UGT1A6: variants seen among roughly 807,000 people sequenced by gnomAD.
UGT1A6 encodes UDP glucuronosyltransferase family 1 member A6, also known as UDP-glucuronosyltransferase 1A6.
A neutral mutation model predicts 44.4 loss-of-function variants in UGT1A6; 32 were observed. That is an observed-to-expected ratio of 0.72 (90% CI 0.54 to 0.97). The LOEUF (loss-of-function observed/expected upper bound fraction) is 0.97. Ranked by LOEUF, UGT1A6 falls within the 50% of genes least tolerant of loss-of-function variation. The pLI, the probability that UGT1A6 is intolerant of heterozygous loss-of-function variation, is 0.00. For missense variants in UGT1A6, 685 were observed against 661.9 expected, an observed-to-expected ratio of 1.03 and a Z score of -0.38; for synonymous variants, 238 against 248.5, an observed-to-expected ratio of 0.96 and a Z score of 0.40.
At chr2:233,748,166 C>T in intron 1 of UGT1A6, 1 of 1,593,318 alleles carries the variant, frequency 6.3e-7, no homozygotes, top group South Asian at 1.1e-5. Context: ...TCCATATCTA[C>T]TTATCTTTCT....
rs2126030462 is a variant in UGT1A6 at position 233,767,128 on chromosome 2, T to C, written c.956T>C (p.Met319Thr). The change falls in exon 2 of 5, where the codon ATG (methionine) becomes ACG (threonine). Residue 319 changes from methionine to threonine, a missense_variant. Transcript: ENST00000305139. Reference protein sequence around the residue: ...MVSEIPEKKAMAIADALGKIP... With the variant: ...MVSEIPEKKATAIADALGKIP... ...TCAGAAATTCCAGAGAAGAAAGCTA[T>C]GGCAATTGCTGATGCTTTGGGCAAA... 1 of 1,614,150 alleles carries C rather than the reference T, an allele frequency of 6.2e-7. No individual in the cohort carries two copies. The highest frequency in any genetic ancestry group is 1.3e-5 in the African/African-American group (1 of 75,052).
chr2:233,765,700 A>T (rs963177783), intron 1 of UGT1A6, among the ~76,000 whole-genome samples: 1 of 146,346 alleles, frequency 6.8e-6, no homozygotes, highest in African/African-American at 2.7e-5. Flanking sequence ...AGTAAATAAT[A>T]ATAATAATAA....
intron 1 of UGT1A6, among the ~76,000 whole-genome samples, chr2:233,702,756 T>TA (rs2075705310): frequency 6.6e-6 from 1 of 152,230 alleles, no homozygotes; most frequent in South Asian, 2.1e-4. Flanking sequence ...ATTCTAGTGA[T>TA]ATGTGTTAAT....
At chr2:233,698,156 C>T (rs1023372379) in intron 1 of UGT1A6, among the ~76,000 whole-genome samples, 1 of 152,042 alleles carries the variant, frequency 6.6e-6, no homozygotes, top group African/African-American at 2.4e-5. Context: ...CCCAGCATGT[C>T]GTCCTAGAGA....
chr2:233,729,342 G>T (rs368262266), intron 1 of UGT1A6: 19 of 1,614,080 alleles, frequency 1.2e-5, no homozygotes, highest in Admixed American at 6.7e-5. Context: ...TCAAAGAAGA[G>T]AACTTTTTCA....
chr2:233,724,360 G>A (rs1455285943), intron 1 of UGT1A6, among the ~76,000 whole-genome samples: 4 of 146,466 alleles, frequency 2.7e-5, no homozygotes, highest in South Asian at 2.3e-4. Flanking sequence ...CCTCCCTCCC[G>A]GACGGGGTGG....
At chr2:233,768,504 G>GA in intron 4 of UGT1A6, 65 bp downstream of exon 4, 1 of 1,558,444 alleles carries the variant, frequency 6.4e-7, no homozygotes. Flanking sequence ...TTTCAAATAT[G>GA]AAAACATTTA....
chr2:233,700,502 C>T (rs956057394), intron 1 of UGT1A6, among the ~76,000 whole-genome samples: 2 of 152,038 alleles, frequency 1.3e-5, no homozygotes, highest in Non-Finnish European at 2.9e-5. Flanking sequence ...AGCCTAGAAA[C>T]TTGACTGTCT....
Position 233,693,395 on chromosome 2 carries a change from C to T in UGT1A6, c.391C>T (p.Gln131Ter), listed in dbSNP as rs377558341. The change falls in exon 1 of 5, where the codon CAG becomes TAG. Residue 131 changes from glutamine to a stop codon, truncating the protein, a stop_gained. Transcript: ENST00000305139. LOFTEE classifies it high-confidence loss of function. ...CTTCATCAACTGCCAGAGCCTCCTG[C>T]AGGACAGGGACACCCTGAACTTCTT... ...LYFINCQSLLQDRDTLNFFKE... is the reference protein window; with the variant it reads ...LYFINCQSLL The T allele has an allele frequency of 2.5e-6, 4 of 1,614,046 alleles. No homozygotes were observed. In the African/African-American group the frequency reaches 4.0e-5, roughly 16 times the overall value.
chr2:233,704,016 G>A (rs1353580305), intron 1 of UGT1A6, among the ~76,000 whole-genome samples: 1 of 151,762 alleles, frequency 6.6e-6, no homozygotes. Context: ...TCAGCCGCCC[G>A]AGCAGCTGGA....
chr2:233,740,756 T>G (rs1289445141), intron 1 of UGT1A6: 2 of 151,784 alleles, frequency 1.3e-5, no homozygotes, highest in Non-Finnish European at 1.5e-5. Flanking sequence ...TCTGAAAACC[T>G]TATCAAACCG....
intron 1 of UGT1A6, chr2:233,740,670 G>C (rs915333505): frequency 4.0e-5 from 6 of 151,870 alleles, no homozygotes; most frequent in African/African-American, 1.5e-4. Flanking sequence ...AGGTACAGGT[G>C]TTTCCATGGA....
upstream of UGT1A6, chr2:233,691,741 C>G (rs1019333955): frequency 3.1e-6 from 2 of 651,030 alleles, no homozygotes; most frequent in Non-Finnish European, 3.8e-6. Flanking sequence ...GAAGCAGATA[C>G]CAGGCTTTCT....
chr2:233,762,888 C>T (rs986387218), intron 1 of UGT1A6, among the ~76,000 whole-genome samples: 1 of 152,086 alleles, frequency 6.6e-6, no homozygotes, highest in African/African-American at 2.4e-5. Context: ...TTATAAATTC[C>T]ATGCCAAATA....
chr2:233,731,397 T>A (rs2078153818), intron 1 of UGT1A6, among the ~76,000 whole-genome samples: 1 of 152,046 alleles, frequency 6.6e-6, no homozygotes, highest in South Asian at 2.1e-4. Context: ...CAACTCGTCA[T>A]TTACATTAGG....
At chr2:233,744,357 G>A (rs1350694311) in intron 1 of UGT1A6, among the ~76,000 whole-genome samples, 2 of 151,858 alleles carry the variant, frequency 1.3e-5, no homozygotes, top group South Asian at 2.1e-4. Context: ...AAGACATCCT[G>A]TTGTTTAGGA....
At chr2:233,694,761 A>G (rs1204986325) in intron 1 of UGT1A6, among the ~76,000 whole-genome samples, 2 of 152,204 alleles carry the variant, frequency 1.3e-5, no homozygotes, top group African/African-American at 4.8e-5. Flanking sequence ...CCACTGTGAA[A>G]AGGCAAGGGT....
chr2:233,726,607 G>C (rs2077545440), intron 1 of UGT1A6, among the ~76,000 whole-genome samples: 1 of 152,126 alleles, frequency 6.6e-6, no homozygotes, highest in Non-Finnish European at 1.5e-5. Context: ...TGATTACACT[G>C]TCCTGCCCAG....
At chr2:233,761,234 G>A in intron 1 of UGT1A6, 1 of 1,612,826 alleles carries the variant, frequency 6.2e-7, no homozygotes, top group Non-Finnish European at 8.5e-7. Flanking sequence ...CCAGATATAT[G>A]CTGAGCAAGC....
Sources: gnomAD v4.1 joint callset for allele counts (sites outside exome capture counted in the v4.1 genomes callset) on GRCh38, gnomAD v4.1.1 for gene constraint, MANE v1.5 for transcripts, NCBI Gene and HGNC (gene_info 2026-07-23, HGNC 2026-07-21) for gene names.